The following TNFAIP8 variants were observed in gnomAD, a reference collection of about 807,000 sequenced individuals.
TNFAIP8 encodes TNF alpha induced protein 8.
Under a neutral mutation model 13.3 loss-of-function variants are expected in TNFAIP8, and 7 were observed. The ratio of observed to expected loss-of-function variants is 0.52; its 90% CI spans 0.30 to 0.99. The LOEUF (loss-of-function observed/expected upper bound fraction) is 0.99, where lower values mean the gene tolerates loss of function less well. Ranked by LOEUF, TNFAIP8 falls within the 50% of genes least tolerant of loss-of-function variation. The probability of loss-of-function intolerance (pLI) is 0.07; values close to 1 mark genes in which losing one functional copy is unlikely to be tolerated. For missense variants in TNFAIP8, 258 were observed against 236.9 expected, an observed-to-expected ratio of 1.09 and a Z score of -0.58; for synonymous variants, 94 against 87.6, an observed-to-expected ratio of 1.07 and a Z score of -0.41.
chr5:119,347,778 T>C (rs1750960317), intron 1 of TNFAIP8, among the ~76,000 whole-genome samples: 1 of 152,230 alleles, frequency 6.6e-6, no homozygotes, highest in African/African-American at 2.4e-5. Flanking sequence ...CTGCTGAGTT[T>C]TTCTGTTGAG....
At chr5:119,286,708 G>C (rs1748809793) in intron 1 of TNFAIP8, among the ~76,000 whole-genome samples, 3 of 152,002 alleles carry the variant, frequency 2.0e-5, no homozygotes, top group Admixed American at 2.0e-4. Flanking sequence ...TCTTGCATTT[G>C]GGCAATGTTT....
intron 1 of TNFAIP8, chr5:119,333,239 A>T: frequency 9.7e-7 from 1 of 1,032,958 alleles, no homozygotes; most frequent in African/African-American, 1.7e-5. Context: ...GTTGTAGTTT[A>T]CAGGGAGCAA....
chr5:119,355,975 A>T, upstream of TNFAIP8: 1 of 1,496,884 alleles, frequency 6.7e-7, no homozygotes, highest in Admixed American at 2.0e-5. Flanking sequence ...TTTTGATTTT[A>T]GTGGCTTTCT....
chr5:119,391,897 T>C (rs3822518), intron 1 of TNFAIP8, among the ~76,000 whole-genome samples: 26,377 of 152,148 alleles, frequency 0.17, 2,833 homozygotes, highest in Non-Finnish European at 0.23. Flanking sequence ...AGATTACATA[T>C]AGTGTCTGTT....
intron 1 of TNFAIP8, among the ~76,000 whole-genome samples, chr5:119,298,428 A>G (rs1749249526): frequency 6.6e-6 from 1 of 151,254 alleles, no homozygotes; most frequent in African/African-American, 2.4e-5. Context: ...AATGTTGAAT[A>G]TTGGCCCCCA....
At chr5:119,350,669 T>C (rs1431323120) in intron 1 of TNFAIP8, among the ~76,000 whole-genome samples, 1 of 152,234 alleles carries the variant, frequency 6.6e-6, no homozygotes, top group Non-Finnish European at 1.5e-5. Flanking sequence ...TCATCTCCGA[T>C]GTCAGCAATT....
intron 1 of TNFAIP8, among the ~76,000 whole-genome samples, chr5:119,301,903 G>A (rs149300953): frequency 2.0e-3 from 307 of 152,210 alleles, no homozygotes; most frequent in African/African-American, 7.0e-3. Flanking sequence ...TTTTTGTATT[G>A]GGGAAGATAT....
At chr5:119,353,116 G>A (rs776136864), upstream of TNFAIP8, among the ~76,000 whole-genome samples, 6 of 152,120 alleles carry the variant, frequency 3.9e-5, no homozygotes, top group Non-Finnish European at 7.3e-5. Context: ...TGTATCAGGC[G>A]GGCGGTAATA....
chr5:119,281,306 A>ACACACACACACACTCTCT lies in TNFAIP8; in HGVS notation c.1+12400_1+12401insACACACACACACTCTCTC. Among the ~76,000 whole-genome samples the ACACACACACACACTCTCT allele has an allele frequency of 4.3e-3, 494 of 114,206 alleles. 4 individuals carry two copies. Among genetic ancestry groups the ACACACACACACACTCTCT allele is most frequent in the Admixed American group, 0.02 (213 of 10,624 alleles). The allele number at this position is 114,206 out of a possible 152,430, so 74.9% of individuals were successfully genotyped here. ...CACACATACACACACACACACACAC[A>ACACACACACACACTCTCT]CTCTCTCTCTCTCACACTTACATGC... On this transcript the variant is annotated intron_variant, in intron 1 of 1. Coordinates refer to the TNFAIP8 transcript ENST00000274456.
At chr5:119,346,296 C>T (rs1229140945) in intron 1 of TNFAIP8, among the ~76,000 whole-genome samples, 1 of 152,096 alleles carries the variant, frequency 6.6e-6, no homozygotes, top group African/African-American at 2.4e-5. Context: ...CAGCAGGAGC[C>T]AGTTGCTGAA....
intron 1 of TNFAIP8, among the ~76,000 whole-genome samples, chr5:119,328,222 G>C (rs1250916893): frequency 6.6e-6 from 1 of 152,096 alleles, no homozygotes; most frequent in Non-Finnish European, 1.5e-5. Context: ...ACCCACTGCA[G>C]TTCTGACCCT....
chr5:119,345,506 G>A (rs1171046097), intron 1 of TNFAIP8, among the ~76,000 whole-genome samples: 1 of 152,140 alleles, frequency 6.6e-6, no homozygotes, highest in East Asian at 1.9e-4. Context: ...CACATACAAT[G>A]GAATATCACC....
intron 1 of TNFAIP8, among the ~76,000 whole-genome samples, chr5:119,336,551 C>G (rs1750557524): frequency 6.6e-6 from 1 of 152,210 alleles, no homozygotes; most frequent in Non-Finnish European, 1.5e-5. Flanking sequence ...GAGAAATACT[C>G]TGCTGAATAT....
chr5:119,321,022 C>G (rs934050614), intron 1 of TNFAIP8, among the ~76,000 whole-genome samples: 2 of 152,196 alleles, frequency 1.3e-5, no homozygotes, highest in African/African-American at 4.8e-5. Flanking sequence ...TGAGGCCATC[C>G]TGTTTAACAC....
At chr5:119,392,016 T>C (rs1179613478) in intron 1 of TNFAIP8, among the ~76,000 whole-genome samples, 1 of 152,224 alleles carries the variant, frequency 6.6e-6, no homozygotes, top group African/African-American at 2.4e-5. Context: ...ATATTTTTCA[T>C]GTAGCACATT....
At chr5:119,374,733 G>A (rs1028633250) in intron 1 of TNFAIP8, among the ~76,000 whole-genome samples, 12 of 152,182 alleles carry the variant, frequency 7.9e-5, no homozygotes, top group African/African-American at 2.9e-4. Flanking sequence ...AATTACCCAA[G>A]TGCTGGAATG....
At chr5:119,367,243 CT>C (rs1315017881) in intron 1 of TNFAIP8, among the ~76,000 whole-genome samples, 2 of 151,986 alleles carry the variant, frequency 1.3e-5, no homozygotes, top group Non-Finnish European at 2.9e-5. Context: ...TCAGATAACC[CT>C]TCCTTTAAAA....
rs1454843231 is a variant in TNFAIP8 at position 119,292,677 on chromosome 5, TATATATATACACACAC to T, written c.1+23772_1+23787del. Among the ~76,000 whole-genome samples the T allele has an allele frequency of 2.7e-4, 10 of 36,438 alleles. 1 individual carries two copies. Among genetic ancestry groups the T allele is most frequent in the African/African-American group, 5.4e-4 (7 of 12,882 alleles). 23.9% of individuals were successfully genotyped at this position (36,438 alleles called of 152,430 possible). A position where few individuals can be genotyped will look rare whatever the true frequency, so the allele number is the denominator to read the frequency against. Reference sequence around the variant, plus strand: ...ATATATATATATATATATATATATATATATATATACACACACACACAATGAAATACTATTTAGCAAT... The same window carrying T: ...ATATATATATATATATATATATATATACACAATGAAATACTATTTAGCAAT... On this transcript the variant is annotated intron_variant, in intron 1 of 1. Transcript: ENST00000274456.
At chr5:119,341,644 C>T (rs964892768) in intron 1 of TNFAIP8, among the ~76,000 whole-genome samples, 1 of 152,156 alleles carries the variant, frequency 6.6e-6, no homozygotes, top group Non-Finnish European at 1.5e-5. Context: ...AAGAGTGCCA[C>T]CAAAATTTTC....
Sources: gnomAD v4.1 joint callset for allele counts (sites outside exome capture counted in the v4.1 genomes callset) on GRCh38, gnomAD v4.1.1 for gene constraint, MANE v1.5 for transcripts, NCBI Gene and HGNC (gene_info 2026-07-23, HGNC 2026-07-21) for gene names.